Variants in TRPM3 observed in about 807,000 individuals in gnomAD.
TRPM3 encodes transient receptor potential cation channel subfamily M member 3, also known as long transient receptor potential channel 3.
A neutral mutation model predicts 181.2 loss-of-function variants in TRPM3; 77 were observed. The observed-to-expected ratio is 0.42, with a 90% CI of 0.35 to 0.51. The LOEUF is 0.51. Among genes scored for constraint, TRPM3 ranks in the 20% least tolerant of loss-of-function variants. TRPM3 has a pLI of 0.01. For missense variants in TRPM3, 1,759 were observed against 2,196.7 expected, an observed-to-expected ratio of 0.80 and a Z score of 3.98; for synonymous variants, 745 against 796.4, an observed-to-expected ratio of 0.94 and a Z score of 1.09.
At chr9:70,743,258 GT>G (rs1017714783) in intron 8 of TRPM3, among the ~76,000 whole-genome samples, 7 of 152,120 alleles carry the variant, frequency 4.6e-5, no homozygotes, top group African/African-American at 1.7e-4. Flanking sequence ...CTGAAGGCTA[GT>G]ATGTTCCAAC....
rs2041069233 is a variant in TRPM3 at position 70,532,800 on chromosome 9, T to G, written c.*3153A>C. Reference sequence around the variant, plus strand: ...CCTCAGTAACTTGCTGCTCATAAACTGCTTAATTCACAAAGACAGGTAATT... The same window carrying G: ...CCTCAGTAACTTGCTGCTCATAAACGGCTTAATTCACAAAGACAGGTAATT... On this transcript the variant is annotated 3_prime_UTR_variant, in exon 26 of 26. Transcript: ENST00000677713. 3.3e-5 allele frequency: 5 copies of G among 152,178 alleles called. No homozygotes were observed. Among genetic ancestry groups the G allele is most frequent in the Admixed American group, 2.6e-4 (4 of 15,274 alleles). The allele number at this position is 152,178 out of a possible 1,614,324, so 9.4% of individuals were successfully genotyped here.
rs966061490 is a variant in TRPM3, at chr9:70,887,023, T to C, written c.178-22512A>G. Among the ~76,000 whole-genome samples the C allele has an allele frequency of 3.9e-5, 6 of 152,206 alleles. 1 individual carries two copies. The highest frequency in any genetic ancestry group is 7.3e-5 in the Non-Finnish European group (5 of 68,040). On this transcript the variant is annotated intron_variant, in intron 1 of 25. Coordinates refer to ENST00000677713, the MANE Select transcript of TRPM3 (RefSeq NM_001366145.2). Reference sequence around the variant, plus strand: ...ATTGACAGGAAATAAAATCAAAACATATGATGAGTCAAAAGGAAGGACATT... The same window carrying C: ...ATTGACAGGAAATAAAATCAAAACACATGATGAGTCAAAAGGAAGGACATT...
intron 1 of TRPM3, among the ~76,000 whole-genome samples, chr9:71,037,182 A>G (rs2058304616): frequency 2.6e-5 from 4 of 152,210 alleles, no homozygotes; most frequent in Admixed American, 2.6e-4. Context: ...TTGATCATCC[A>G]GTCTTGATCT....
chr9:70,940,984 C>A (rs552401898), intron 1 of TRPM3, among the ~76,000 whole-genome samples: 1 of 152,112 alleles, frequency 6.6e-6, no homozygotes, highest in African/African-American at 2.4e-5. Flanking sequence ...TAGTACTTTG[C>A]GTATGAATTA....
At chr9:71,298,082 ACT>A (rs749885846) in intron 1 of TRPM3, among the ~76,000 whole-genome samples, 3 of 149,462 alleles carry the variant, frequency 2.0e-5, no homozygotes, top group Non-Finnish European at 4.5e-5. Flanking sequence ...ATGCCAGTAA[ACT>A]CTGCCACCAG....
At chr9:71,033,424 G>A (rs1036387887) in intron 1 of TRPM3, among the ~76,000 whole-genome samples, 36 of 152,216 alleles carry the variant, frequency 2.4e-4, no homozygotes, top group African/African-American at 8.0e-4. Context: ...AGAAATAAGA[G>A]TTAAGTTCCT....
At chr9:70,952,701 T>G (rs913422069) in intron 1 of TRPM3, among the ~76,000 whole-genome samples, 10 of 152,136 alleles carry the variant, frequency 6.6e-5, no homozygotes, top group Non-Finnish European at 7.4e-5. Flanking sequence ...GCATGGGTGT[T>G]GGGAAAATGA....
At chr9:71,417,078 TG>T (rs772159939) in intron 1 of TRPM3, among the ~76,000 whole-genome samples, 3 of 152,026 alleles carry the variant, frequency 2.0e-5, no homozygotes, top group Non-Finnish European at 2.9e-5. Context: ...TAATGGACAT[TG>T]GGTTGTCTCC....
intron 1 of TRPM3, among the ~76,000 whole-genome samples, chr9:71,017,184 C>T (rs1343301310): frequency 6.6e-6 from 1 of 151,994 alleles, no homozygotes; most frequent in African/African-American, 2.4e-5. Context: ...TATAGGACAA[C>T]CATGATATAT....
chr9:71,439,568 C>T (rs1170689285), intron 1 of TRPM3, among the ~76,000 whole-genome samples: 1 of 152,136 alleles, frequency 6.6e-6, no homozygotes, highest in Non-Finnish European at 1.5e-5. Flanking sequence ...AGTCTTAGAT[C>T]GGAAGGCCAG....
intron 1 of TRPM3, among the ~76,000 whole-genome samples, chr9:70,899,181 G>A (rs1383158114): frequency 6.6e-6 from 1 of 152,184 alleles, no homozygotes; most frequent in Non-Finnish European, 1.5e-5. Flanking sequence ...GGGAAAGAGA[G>A]ATTTCAGTTT....
intron 1 of TRPM3, among the ~76,000 whole-genome samples, chr9:70,943,814 C>T (rs2096907858): frequency 6.6e-6 from 1 of 152,114 alleles, no homozygotes; most frequent in African/African-American, 2.4e-5. Flanking sequence ...CTCTGTTGCC[C>T]AGGCTAGAGG....
intron 1 of TRPM3, among the ~76,000 whole-genome samples, chr9:71,430,077 T>C (rs1474117589): frequency 6.6e-6 from 1 of 152,172 alleles, no homozygotes; most frequent in African/African-American, 2.4e-5. Context: ...CTCACAGCAC[T>C]TACAATCACT....
chr9:70,899,828 C>G (rs1044282688), intron 1 of TRPM3, among the ~76,000 whole-genome samples: 16 of 152,266 alleles, frequency 1.1e-4, no homozygotes, highest in African/African-American at 3.6e-4. Flanking sequence ...ATCATGTTTG[C>G]ATAGAGAAGA....
chr9:71,025,500 CTATAA>C (rs2097887601), intron 1 of TRPM3, among the ~76,000 whole-genome samples: 1 of 152,182 alleles, frequency 6.6e-6, no homozygotes. Context: ...TCAGAATGAA[CTATAA>C]TATGATCTCT....
At chr9:71,021,086 T>C (rs907914588) in intron 1 of TRPM3, among the ~76,000 whole-genome samples, 4 of 152,206 alleles carry the variant, frequency 2.6e-5, no homozygotes, top group African/African-American at 9.6e-5. Flanking sequence ...TATATGAATG[T>C]CTTTCACTAA....
intron 5 of TRPM3, among the ~76,000 whole-genome samples, chr9:70,836,306 C>T (rs2094317605): frequency 2.6e-5 from 4 of 152,108 alleles, no homozygotes; most frequent in Admixed American, 2.0e-4. Flanking sequence ...AAACAAACTC[C>T]AGTCTCCCCC....
intron 1 of TRPM3, among the ~76,000 whole-genome samples, chr9:70,910,784 C>T (rs958613812): frequency 1.3e-5 from 2 of 152,178 alleles, no homozygotes; most frequent in African/African-American, 4.8e-5. Context: ...TTACTATTTT[C>T]ATCCTGCTTT....
chr9:71,069,020 T>C (rs2062329621), intron 1 of TRPM3, among the ~76,000 whole-genome samples: 1 of 152,162 alleles, frequency 6.6e-6, no homozygotes, highest in Admixed American at 6.5e-5. Context: ...TCTTTCAGGG[T>C]AGTTGAAGAT....
Sources: gnomAD v4.1 joint callset for allele counts (sites outside exome capture counted in the v4.1 genomes callset) on GRCh38, gnomAD v4.1.1 for gene constraint, MANE v1.5 for transcripts, NCBI Gene and HGNC (gene_info 2026-07-23, HGNC 2026-07-21) for gene names.